ERBB4: variants seen among roughly 807,000 people sequenced by gnomAD.
ERBB4 encodes the protein erb-b2 receptor tyrosine kinase 4.
In ERBB4, 42 loss-of-function variants were observed where a neutral mutation model predicts 158.0. The ratio of observed to expected loss-of-function variants is 0.27; its 90% CI spans 0.21 to 0.34. The LOEUF is 0.34. Ranked by LOEUF, ERBB4 falls within the 10% of genes least tolerant of loss-of-function variation. The probability of loss-of-function intolerance (pLI) is 1.00; values close to 1 mark genes in which losing one functional copy is unlikely to be tolerated. For missense variants in ERBB4, 1,333 were observed against 1,624.1 expected, an observed-to-expected ratio of 0.82 and a Z score of 3.08; for synonymous variants, 583 against 558.7, an observed-to-expected ratio of 1.04 and a Z score of -0.61.
At chr2:211,716,560 C>G (rs1234019007) in intron 7 of ERBB4, among the ~76,000 whole-genome samples, 1 of 151,164 alleles carries the variant, frequency 6.6e-6, no homozygotes, top group Non-Finnish European at 1.5e-5. Flanking sequence ...CCTGTAGTCC[C>G]AGCTACTCGG....
chr2:211,573,224 G>C (rs1461570136), intron 19 of ERBB4, among the ~76,000 whole-genome samples: 1 of 152,128 alleles, frequency 6.6e-6, no homozygotes, highest in Non-Finnish European at 1.5e-5. Context: ...AACATCTGTA[G>C]CCACCCGCAG....
intron 20 of ERBB4, among the ~76,000 whole-genome samples, chr2:211,510,788 A>G (rs928618926): frequency 6.6e-6 from 1 of 151,982 alleles, no homozygotes; most frequent in Admixed American, 6.6e-5. Flanking sequence ...TTTTCTCAGA[A>G]ATTTCTGAGA....
At chr2:211,395,573 C>T (rs904019078) in intron 25 of ERBB4, among the ~76,000 whole-genome samples, 3 of 151,300 alleles carry the variant, frequency 2.0e-5, no homozygotes, top group Non-Finnish European at 4.4e-5. Flanking sequence ...AGCTGAAATA[C>T]ATATTAATAT....
At chr2:211,466,665 A>T (rs1445859295) in intron 20 of ERBB4, among the ~76,000 whole-genome samples, 1 of 152,156 alleles carries the variant, frequency 6.6e-6, no homozygotes, top group Non-Finnish European at 1.5e-5. Context: ...ACTGCAATGA[A>T]TTCAGTGAGT....
intron 2 of ERBB4, among the ~76,000 whole-genome samples, chr2:211,967,588 G>A (rs1487522071): frequency 6.6e-6 from 1 of 151,854 alleles, no homozygotes; most frequent in Admixed American, 6.6e-5. Flanking sequence ...AAATCCAACA[G>A]TAAACAACAC....
chr2:211,830,146 T>G (rs2077189603), intron 3 of ERBB4, among the ~76,000 whole-genome samples: 1 of 152,180 alleles, frequency 6.6e-6, no homozygotes, highest in Non-Finnish European at 1.5e-5. Flanking sequence ...AACTCTTTCT[T>G]GGGGACTGTG....
At chr2:211,425,159 G>A (rs2063599192) in intron 22 of ERBB4, among the ~76,000 whole-genome samples, 1 of 152,010 alleles carries the variant, frequency 6.6e-6, no homozygotes. Context: ...GTTCAGACAT[G>A]GCTAGCTGGG....
chr2:212,447,028 G>A (rs1014767545), intron 1 of ERBB4, among the ~76,000 whole-genome samples: 2 of 145,588 alleles, frequency 1.4e-5, no homozygotes, highest in South Asian at 2.2e-4. Context: ...ACGGAGTCTC[G>A]CTGTGTCACC....
intron 2 of ERBB4, among the ~76,000 whole-genome samples, chr2:211,965,930 G>A (rs926148933): frequency 6.6e-6 from 1 of 152,172 alleles, no homozygotes; most frequent in African/African-American, 2.4e-5. Flanking sequence ...ATTTCAATAT[G>A]GTTGGGCACA....
intron 1 of ERBB4, among the ~76,000 whole-genome samples, chr2:212,496,298 AAAAC>A (rs1252178950): frequency 6.6e-6 from 1 of 151,926 alleles, no homozygotes; most frequent in East Asian, 1.9e-4. Flanking sequence ...AAAAAACAAA[AAAAC>A]AGACATACAT....
chr2:211,600,139 T>C (rs1295388029), intron 19 of ERBB4, among the ~76,000 whole-genome samples: 1 of 152,170 alleles, frequency 6.6e-6, no homozygotes, highest in Non-Finnish European at 1.5e-5. Flanking sequence ...TCATTTTACC[T>C]TCACAAAACC....
intron 19 of ERBB4, among the ~76,000 whole-genome samples, chr2:211,609,402 C>T (rs2069107396): frequency 6.6e-6 from 1 of 151,930 alleles, no homozygotes; most frequent in African/African-American, 2.4e-5. Context: ...GGTTTCCTCA[C>T]TCAATTAATA....
chr2:212,495,069 A>ATT (rs1234636574), intron 1 of ERBB4, among the ~76,000 whole-genome samples: 2 of 152,122 alleles, frequency 1.3e-5, no homozygotes, highest in African/African-American at 4.8e-5. Flanking sequence ...GATATAATGT[A>ATT]TTTAAGACTG....
At chr2:211,700,718 C>T (rs1407156799) in intron 12 of ERBB4, among the ~76,000 whole-genome samples, 1 of 152,114 alleles carries the variant, frequency 6.6e-6, no homozygotes, top group Non-Finnish European at 1.5e-5. Context: ...CACACACACG[C>T]ACACACTCAC....
intron 1 of ERBB4, among the ~76,000 whole-genome samples, chr2:212,188,319 C>T (rs1298253465): frequency 2.1e-5 from 3 of 139,548 alleles, no homozygotes; most frequent in South Asian, 2.6e-4. Context: ...CTCTCTATCC[C>T]GCTACCCACT....
At chr2:211,879,494 T>C (rs2078604028) in intron 3 of ERBB4, among the ~76,000 whole-genome samples, 1 of 152,236 alleles carries the variant, frequency 6.6e-6, no homozygotes, top group Non-Finnish European at 1.5e-5. Flanking sequence ...GTCAAAATGG[T>C]TGTTATTGCC....
chr2:211,791,608 G>A (rs1372162258), intron 3 of ERBB4, among the ~76,000 whole-genome samples: 1 of 151,794 alleles, frequency 6.6e-6, no homozygotes, highest in East Asian at 1.9e-4. Flanking sequence ...TAAATTGAGA[G>A]AGACACAGAT....
chr2:212,494,200 C>T (rs1690436616), intron 1 of ERBB4, among the ~76,000 whole-genome samples: 1 of 151,896 alleles, frequency 6.6e-6, no homozygotes, highest in African/African-American at 2.4e-5. Context: ...TACTAACTGA[C>T]AAACCCAAGT....
chr2:211,836,732 C>A (rs2077351754), intron 3 of ERBB4, among the ~76,000 whole-genome samples: 1 of 152,008 alleles, frequency 6.6e-6, no homozygotes, highest in African/African-American at 2.4e-5. Flanking sequence ...TTCAGGTCTG[C>A]TGTGTTAATT....
Sources: gnomAD v4.1 joint callset for allele counts (sites outside exome capture counted in the v4.1 genomes callset) on GRCh38, gnomAD v4.1.1 for gene constraint, MANE v1.5 for transcripts, NCBI Gene and HGNC (gene_info 2026-07-23, HGNC 2026-07-21) for gene names.